KPNA3: variants seen among roughly 807,000 people sequenced by gnomAD.
The protein encoded by KPNA3 is karyopherin subunit alpha 3.
KPNA3 carries 13 observed loss-of-function variants against 73.8 expected under a neutral mutation model. That is an observed-to-expected ratio of 0.18 (90% confidence interval 0.11 to 0.28). The LOEUF (loss-of-function observed/expected upper bound fraction) is 0.28. KPNA3 is among the 10% of genes least tolerant of loss of function. The pLI is 1.00. For synonymous variants in KPNA3, 186 were observed against 206.9 expected, an observed-to-expected ratio of 0.90 and a Z score of 0.87; for missense variants, 360 against 618.1, an observed-to-expected ratio of 0.58 and a Z score of 4.43.
chr13:49,729,719 G>A (rs2137551377), intron 6 of KPNA3, among the ~76,000 whole-genome samples: 1 of 152,332 alleles, frequency 6.6e-6, no homozygotes, highest in East Asian at 1.9e-4. Context: ...AGCGGAGCTT[G>A]CAGTGAGCCA....
At chr13:49,775,163 A>C (rs1417354950) in intron 1 of KPNA3, among the ~76,000 whole-genome samples, 11 of 19,518 alleles carry the variant, frequency 5.6e-4, no homozygotes, top group African/African-American at 1.0e-3. Flanking sequence ...ACTCTGTCTC[A>C]AAAAAAAAAA....
chr13:49,730,130 A>C (rs976369030), intron 6 of KPNA3, among the ~76,000 whole-genome samples: 13 of 152,154 alleles, frequency 8.5e-5, no homozygotes, highest in Non-Finnish European at 1.6e-4. Context: ...ATTTTAGCAT[A>C]TTTTTCTGTA....
At chr13:49,785,470 G>A (rs1349548711) in intron 1 of KPNA3, among the ~76,000 whole-genome samples, 4 of 152,148 alleles carry the variant, frequency 2.6e-5, no homozygotes, top group Admixed American at 1.3e-4. Flanking sequence ...GGCAGAACAT[G>A]GCTTTAAACA....
intron 1 of KPNA3, among the ~76,000 whole-genome samples, chr13:49,776,669 A>C (rs1954900467): frequency 6.6e-6 from 1 of 152,224 alleles, no homozygotes; most frequent in African/African-American, 2.4e-5. Context: ...ATTAGTACAC[A>C]AATTAAGTTA....
At chr13:49,737,974 A>G (rs1161226024) in intron 2 of KPNA3, among the ~76,000 whole-genome samples, 2 of 152,174 alleles carry the variant, frequency 1.3e-5, no homozygotes, top group Admixed American at 6.5e-5. Flanking sequence ...TTCGTGGCCA[A>G]ATATAGCTCT....
rs1954127970 is a variant in KPNA3 at position 49,699,459 on chromosome 13, A to C, written c.*2341T>G. 6.6e-6 allele frequency: 1 copy of C among 152,622 alleles called. No homozygotes were observed. The highest frequency in any genetic ancestry group is 2.1e-4 in the South Asian group (1 of 4,822). The allele number at this position is 152,622 out of a possible 1,614,324, so 9.5% of individuals were successfully genotyped here. A position where few individuals can be genotyped will look rare whatever the true frequency, so the allele number is the denominator to read the frequency against. On this transcript the variant is annotated 3_prime_UTR_variant, in exon 17 of 17. Coordinates refer to ENST00000261667, the MANE Select transcript of KPNA3 (RefSeq NM_002267.4). ...TGAGTTTAAAAAAAAATAACAATGC[A>C]ATTTTTAAACACTGTTTTGAAAACT...
At chr13:49,775,162 C>CAA (rs60494803) in intron 1 of KPNA3, among the ~76,000 whole-genome samples, 47 of 93,036 alleles carry the variant, frequency 5.1e-4, no homozygotes, top group African/African-American at 8.4e-4. Flanking sequence ...GACTCTGTCT[C>CAA]AAAAAAAAAA....
chr13:49,757,097 A>T (rs1432284202), intron 1 of KPNA3, among the ~76,000 whole-genome samples: 2 of 152,192 alleles, frequency 1.3e-5, no homozygotes, highest in African/African-American at 4.8e-5. Flanking sequence ...AAACCACAGG[A>T]GATAATTCTT....
intron 1 of KPNA3, among the ~76,000 whole-genome samples, chr13:49,772,226 A>G (rs915679688): frequency 6.6e-6 from 1 of 152,256 alleles, no homozygotes; most frequent in African/African-American, 2.4e-5. Context: ...AGGAAGAACA[A>G]CAATGAATAC....
intron 1 of KPNA3, among the ~76,000 whole-genome samples, chr13:49,788,741 A>ATTTTT (rs1222157637): frequency 0.03 from 3,657 of 123,120 alleles, 152 homozygotes; most frequent in African/African-American, 0.12. Context: ...TTTTTTTTAA[A>ATTTTT]AAAAAAAAGC....
chr13:49,724,153 C>T (rs1954386439), intron 7 of KPNA3, among the ~76,000 whole-genome samples: 2 of 152,198 alleles, frequency 1.3e-5, no homozygotes, highest in African/African-American at 2.4e-5. Context: ...CCATTGTATA[C>T]ACCACATTCA....
At chr13:49,745,488 T>A (rs1005453720) in intron 2 of KPNA3, among the ~76,000 whole-genome samples, 1 of 151,586 alleles carries the variant, frequency 6.6e-6, no homozygotes, top group Non-Finnish European at 1.5e-5. Flanking sequence ...GCCTCCCGAG[T>A]AGCTGGAACT....
At chr13:49,777,139 G>T (rs1026673012) in intron 1 of KPNA3, among the ~76,000 whole-genome samples, 1 of 152,140 alleles carries the variant, frequency 6.6e-6, no homozygotes, top group African/African-American at 2.4e-5. Context: ...TTATTTCAAT[G>T]CCTGTTCAGC....
At chr13:49,760,610 G>A (rs577835284) in intron 1 of KPNA3, among the ~76,000 whole-genome samples, 1 of 152,264 alleles carries the variant, frequency 6.6e-6, no homozygotes, top group Non-Finnish European at 1.5e-5. Context: ...GTGTCAACCT[G>A]ACTGGATTAA....
intron 1 of KPNA3, among the ~76,000 whole-genome samples, chr13:49,773,630 C>T (rs1235290981): frequency 1.3e-5 from 2 of 152,116 alleles, no homozygotes; most frequent in East Asian, 3.8e-4. Context: ...ATTTACATGA[C>T]ACCTATTTTA....
intron 1 of KPNA3, among the ~76,000 whole-genome samples, chr13:49,770,226 C>G (rs921346257): frequency 2.2e-5 from 3 of 133,492 alleles, no homozygotes; most frequent in Non-Finnish European, 3.1e-5. Flanking sequence ...CACTCTGATG[C>G]CCAGGTAGGC....
intron 9 of KPNA3, 21 bp downstream of exon 9, chr13:49,721,934 C>T: frequency 6.7e-7 from 1 of 1,484,222 alleles, no homozygotes; most frequent in Non-Finnish European, 9.1e-7. Flanking sequence ...TACCATCTGG[C>T]CTTTACAATT....
intron 9 of KPNA3, 64 bp from the exon 10 acceptor site, chr13:49,719,883 C>T: frequency 9.3e-7 from 1 of 1,072,208 alleles, no homozygotes; most frequent in Non-Finnish European, 1.4e-6. Flanking sequence ...AAATGAACAA[C>T]TTTGACATAA....
At chr13:49,746,177 T>C (rs1049531785) in intron 2 of KPNA3, among the ~76,000 whole-genome samples, 21 of 151,956 alleles carry the variant, frequency 1.4e-4, no homozygotes, top group Non-Finnish European at 2.5e-4. Flanking sequence ...GAAAACACAA[T>C]TTGGGCCAGG....
Sources: allele counts gnomAD v4.1 joint callset (sites outside exome capture counted in the v4.1 genomes callset), GRCh38; gene constraint gnomAD v4.1.1; transcripts MANE v1.5; gene names NCBI Gene and HGNC (gene_info 2026-07-23, HGNC 2026-07-21).